Variants in H2AC11 observed in about 807,000 individuals in gnomAD.
H2AC11 encodes histone H2A type 1.
Under a neutral mutation model 5.9 loss-of-function variants are expected in H2AC11, and 8 were observed. The ratio of observed to expected loss-of-function variants is 1.35; its 90% CI spans 0.79 to 2.44. H2AC11 has a LOEUF of 2.44. Among genes scored for constraint, H2AC11 ranks in the 30% most tolerant of loss-of-function variants. The pLI is 0.00. For missense variants in H2AC11, 189 were observed against 178.6 expected (o/e 1.06, Z -0.33); for synonymous variants, 161 against 81.9 (o/e 1.96, Z -5.21).
chr6:27,133,240 G>C lies in H2AC11; in HGVS notation c.169G>C (p.Glu57Gln), dbSNP rs762011919. Reference protein sequence around the residue: ...GAPVYLAAVLEYLTAEILELA... With the variant: ...GAPVYLAAVLQYLTAEILELA... ...GCCGGTGTATCTGGCAGCGGTGCTGGAGTACCTGACCGCCGAGATCCTGGA... is the reference window on the plus strand; with the variant it reads ...GCCGGTGTATCTGGCAGCGGTGCTGCAGTACCTGACCGCCGAGATCCTGGA... The change falls in exon 1 of 1, where the codon GAG becomes CAG. Residue 57 changes from glutamate to glutamine, a missense_variant. Physicochemically the swap from Glu to Gln is conservative, Grantham distance 29. Transcript: ENST00000359193. 1 of 1,614,088 alleles carries C rather than the reference G, an allele frequency of 6.2e-7. No individual in the cohort carries two copies. Among genetic ancestry groups the C allele is most frequent in the African/African-American group, 1.3e-5 (1 of 74,936 alleles).
chr6:27,133,213 G>T lies in H2AC11; in HGVS notation c.142G>T (p.Ala48Ser). The T allele has an allele frequency of 1.9e-6, 3 of 1,614,042 alleles. No homozygotes were observed. The highest frequency in any genetic ancestry group is 1.3e-5 in the African/African-American group (1 of 75,060). Residue 48 changes from alanine (A) to serine (S), a missense_variant, in exon 1 of 1, where the codon GCG becomes TCG. Physicochemically the swap from Ala to Ser is moderately conservative, Grantham distance 99. Transcript: ENST00000359193. ...GNYAERVGAG[A>S]PVYLAAVLEY... is the part of the protein sequence containing the mutation. ...CTATGCCGAGCGGGTCGGGGCCGGCGCGCCGGTGTATCTGGCAGCGGTGCT... is the reference window on the plus strand; with the variant it reads ...CTATGCCGAGCGGGTCGGGGCCGGCTCGCCGGTGTATCTGGCAGCGGTGCT...
In H2AC11 at chr6:27,133,469, C is replaced by T; in HGVS notation, c.*5C>T. 2 of 1,613,264 alleles carry T rather than the reference C, an allele frequency of 1.2e-6. No homozygotes were observed. Among genetic ancestry groups the T allele is most frequent in the South Asian group, 1.1e-5 (1 of 91,064 alleles). On this transcript the variant is annotated 3_prime_UTR_variant, in exon 1 of 1. Coordinates refer to ENST00000359193, the MANE Select transcript of H2AC11 (RefSeq NM_021064.5). ...CACAAGGCGAAGGGCAAGTAACTATCTGTACTAGTTTGTGGCAGCTCAAGT... is the reference window on the plus strand; with the variant it reads ...CACAAGGCGAAGGGCAAGTAACTATTTGTACTAGTTTGTGGCAGCTCAAGT...
chr6:27,133,059 A>G lies in H2AC11; in HGVS notation c.-13A>G. The G allele has an allele frequency of 6.2e-7, 1 of 1,600,208 alleles. No homozygotes were observed. The highest frequency in any genetic ancestry group is 8.5e-7 in the Non-Finnish European group (1 of 1,172,544). On this transcript the variant is annotated 5_prime_UTR_variant, in exon 1 of 1. Transcript: ENST00000359193. ...GTTCACTTTGTGGTTGCTCGTAGTGAGTTGCGCTCGCTATGTCTGGACGTG... is the reference window on the plus strand; with the variant it reads ...GTTCACTTTGTGGTTGCTCGTAGTGGGTTGCGCTCGCTATGTCTGGACGTG...
chr6:27,133,163 T>A lies in H2AC11; in HGVS notation c.92T>A (p.Val31Glu), dbSNP rs777797526. Residue 31 changes from valine (V) to glutamate (E), a missense_variant, in exon 1 of 1, where the codon GTG (valine) becomes GAG (glutamate). Transcript: ENST00000359193. ...RAGLQFPVGRVHRLLRKGNYA... is the reference protein window; with the variant it reads ...RAGLQFPVGREHRLLRKGNYA... ...GGTCTCCAGTTCCCCGTGGGCCGAG[T>A]GCACCGCCTGCTCCGCAAAGGCAAC... is the stretch of plus-strand genomic sequence containing the variant. 1 of 1,613,918 alleles carries A rather than the reference T, an allele frequency of 6.2e-7. No individual in the cohort carries two copies. The highest frequency in any genetic ancestry group is 1.1e-5 in the South Asian group (1 of 91,066).
rs1275748750 is a variant in H2AC11 at position 27,133,203 on chromosome 6, C to T, written c.132C>T (p.Val44=). Residue 44 remains valine, a synonymous_variant, in exon 1 of 1, where the codon GTC becomes GTT. Transcript: ENST00000359193. ...GCAAAGGCAACTATGCCGAGCGGGT[C>T]GGGGCCGGCGCGCCGGTGTATCTGG... ...LLRKGNYAER[V]GAGAPVYLAA... is the part of the protein sequence containing the mutation. The T allele has an allele frequency of 9.9e-6, 16 of 1,613,926 alleles. No homozygotes were observed. In the Admixed American group the frequency reaches 1.3e-4, roughly 13 times the overall value.
chr6:27,133,305 C>T lies in H2AC11; in HGVS notation c.234C>T (p.Arg78=), dbSNP rs544998858. Residue 78 remains arginine, a synonymous_variant, in exon 1 of 1, where the codon CGC becomes CGT. Coordinates refer to ENST00000359193, the MANE Select transcript of H2AC11 (RefSeq NM_021064.5). ...GNAARDNKKT[R]IIPRHLQLAI... is the part of the protein sequence containing the mutation. ...CGGCCCGCGACAACAAGAAGACCCG[C>T]ATCATCCCGCGTCATCTCCAACTGG... 5.0e-6 allele frequency: 8 copies of T among 1,614,154 alleles called. No individual in the cohort carries two copies. In the Admixed American group the frequency reaches 5.0e-5, roughly 10 times the overall value.
Position 27,133,374 on chromosome 6 carries a change from C to T in H2AC11, c.303C>T (p.Val101=), listed in dbSNP as rs758805616. The part of the protein sequence containing the change: ...DEELNKLLGK[V]TIAQGGVLPN... Reference sequence around the variant, plus strand: ...AGCTCAACAAGCTGCTGGGCAAAGTCACCATCGCACAGGGCGGTGTCCTGC... The same window carrying T: ...AGCTCAACAAGCTGCTGGGCAAAGTTACCATCGCACAGGGCGGTGTCCTGC... The change falls in exon 1 of 1, where the codon GTC becomes GTT. Residue 101 remains valine (V), a synonymous_variant. Coordinates refer to ENST00000359193, the MANE Select transcript of H2AC11 (RefSeq NM_021064.5). 1.2e-6 allele frequency: 2 copies of T among 1,614,248 alleles called. No individual in the cohort carries two copies. The highest frequency in any genetic ancestry group is 1.1e-5 in the South Asian group (1 of 91,084).
chr6:27,133,485 C>T lies in H2AC11; in HGVS notation c.*21C>T, dbSNP rs763070608. The T allele has an allele frequency of 1.9e-6, 3 of 1,601,914 alleles. No homozygotes were observed. The highest frequency in any genetic ancestry group is 2.6e-6 in the Non-Finnish European group (3 of 1,171,538). ...AGTAACTATCTGTACTAGTTTGTGG[C>T]AGCTCAAGTAAAATCGAGTCCAAAC... On this transcript the variant is annotated 3_prime_UTR_variant, in exon 1 of 1. Coordinates refer to ENST00000359193, the MANE Select transcript of H2AC11 (RefSeq NM_021064.5).
rs528785498 is a variant in H2AC11 at position 27,133,089 on chromosome 6, G to A, written c.18G>A (p.Lys6=). The change falls in exon 1 of 1, where the codon AAG becomes AAA. Residue 6 remains lysine, a synonymous_variant. Coordinates refer to ENST00000359193, the MANE Select transcript of H2AC11 (RefSeq NM_021064.5). MSGRG[K]QGGKARAKAK... is the part of the protein sequence containing the mutation. Reference sequence around the variant, plus strand: ...CGCTCGCTATGTCTGGACGTGGCAAGCAGGGAGGCAAAGCCCGCGCTAAGG... The same window carrying A: ...CGCTCGCTATGTCTGGACGTGGCAAACAGGGAGGCAAAGCCCGCGCTAAGG... 4 of 1,612,470 alleles carry A rather than the reference G, an allele frequency of 2.5e-6. No homozygotes were observed. Among genetic ancestry groups the A allele is most frequent in the African/African-American group, 2.7e-5 (2 of 75,020 alleles).
Position 27,133,345 on chromosome 6 carries a change from G to T in H2AC11, c.274G>T (p.Glu92Ter). Residue 92 changes from glutamate to a stop codon, truncating the protein, a stop_gained, in exon 1 of 1, where the codon GAG becomes TAG. Transcript: ENST00000359193. LOFTEE classifies it high-confidence loss of function. ...TCTCCAACTGGCCATCCGCAACGAC[G>T]AGGAGCTCAACAAGCTGCTGGGCAA... ...RHLQLAIRND[E>*]ELNKLLGKVT... 1 of 1,614,178 alleles carries T rather than the reference G, an allele frequency of 6.2e-7. No homozygotes were observed. Among genetic ancestry groups the T allele is most frequent in the Non-Finnish European group, 8.5e-7 (1 of 1,180,038 alleles).
Position 27,133,210 on chromosome 6 carries a change from G to A in H2AC11, c.139G>A (p.Gly47Ser), listed in dbSNP as rs1186253364. 1.2e-6 allele frequency: 2 copies of A among 1,614,020 alleles called. No individual in the cohort carries two copies. Among genetic ancestry groups the A allele is most frequent in the Non-Finnish European group, 1.7e-6 (2 of 1,180,000 alleles). Residue 47 changes from glycine to serine, a missense_variant, in exon 1 of 1, where the codon GGC (glycine) becomes AGC (serine). Physicochemically the swap from Gly to Ser is moderately conservative, Grantham distance 56. Coordinates refer to ENST00000359193, the MANE Select transcript of H2AC11 (RefSeq NM_021064.5). ...CAACTATGCCGAGCGGGTCGGGGCC[G>A]GCGCGCCGGTGTATCTGGCAGCGGT... is the stretch of plus-strand genomic sequence containing the variant. Reference protein sequence around the residue: ...KGNYAERVGAGAPVYLAAVLE... With the variant: ...KGNYAERVGASAPVYLAAVLE...
At position 27,133,523 on chromosome 6, in the gene H2AC11, T is replaced by G; in HGVS notation, c.*59T>G. The G allele has an allele frequency of 6.4e-7, 1 of 1,569,372 alleles. No individual in the cohort carries two copies. The highest frequency in any genetic ancestry group is 2.3e-5 in the East Asian group (1 of 44,422). Reference sequence around the variant, plus strand: ...ATCGAGTCCAAACCAACGGCTCTTTTCAGGGCCACCCACGTCTTCTCTAAA... The same window carrying G: ...ATCGAGTCCAAACCAACGGCTCTTTGCAGGGCCACCCACGTCTTCTCTAAA... On this transcript the variant is annotated 3_prime_UTR_variant, in exon 1 of 1. Coordinates refer to ENST00000359193, the MANE Select transcript of H2AC11 (RefSeq NM_021064.5).
Position 27,133,050 on chromosome 6 carries a change from C to T in H2AC11, c.-22C>T, listed in dbSNP as rs186111820. ...GCCTTTCCCGTTCACTTTGTGGTTG[C>T]TCGTAGTGAGTTGCGCTCGCTATGT... On this transcript the variant is annotated 5_prime_UTR_variant, in exon 1 of 1. Transcript: ENST00000359193. The T allele has an allele frequency of 1.2e-4, 187 of 1,592,670 alleles. No homozygotes were observed. The highest frequency in any genetic ancestry group is 7.6e-4 in the East Asian group (34 of 44,636).
rs755836064 is a variant in H2AC11, at chr6:27,133,383, A to T, written c.312A>T (p.Ala104=). 1.9e-6 allele frequency: 3 copies of T among 1,614,102 alleles called. No individual in the cohort carries two copies. The highest frequency in any genetic ancestry group is 2.5e-6 in the Non-Finnish European group (3 of 1,180,042). ...LNKLLGKVTI[A]QGGVLPNIQA... is the part of the protein sequence containing the mutation. ...AGCTGCTGGGCAAAGTCACCATCGC[A>T]CAGGGCGGTGTCCTGCCCAACATTC... Residue 104 remains alanine (A), a synonymous_variant, in exon 1 of 1, where the codon GCA becomes GCT. Transcript: ENST00000359193.
Position 27,133,306 on chromosome 6 carries a change from A to C in H2AC11, c.235A>C (p.Ile79Leu). Residue 79 changes from isoleucine to leucine, a missense_variant, in exon 1 of 1, where the codon ATC becomes CTC. Physicochemically the swap from Ile to Leu is conservative, Grantham distance 5 (BLOSUM62 2). Coordinates refer to ENST00000359193, the MANE Select transcript of H2AC11 (RefSeq NM_021064.5). ...GGCCCGCGACAACAAGAAGACCCGC[A>C]TCATCCCGCGTCATCTCCAACTGGC... ...NAARDNKKTRIIPRHLQLAIR... is the reference protein window; with the variant it reads ...NAARDNKKTRLIPRHLQLAIR... The C allele has an allele frequency of 6.2e-7, 1 of 1,614,122 alleles. No homozygotes were observed. The highest frequency in any genetic ancestry group is 8.5e-7 in the Non-Finnish European group (1 of 1,180,032).
rs755495139 is a variant in H2AC11, at chr6:27,133,251, C to G, written c.180C>G (p.Thr60=). The change falls in exon 1 of 1, where the codon ACC becomes ACG. Residue 60 remains threonine, a synonymous_variant. Coordinates refer to ENST00000359193, the MANE Select transcript of H2AC11 (RefSeq NM_021064.5). ...VYLAAVLEYL[T]AEILELAGNA... ...TGGCAGCGGTGCTGGAGTACCTGAC[C>G]GCCGAGATCCTGGAACTGGCGGGCA... 20 of 1,614,060 alleles carry G rather than the reference C, an allele frequency of 1.2e-5. No individual in the cohort carries two copies. Among genetic ancestry groups the G allele is most frequent in the Admixed American group, 1.7e-5 (1 of 60,006 alleles).
chr6:27,133,475 T>C lies in H2AC11; in HGVS notation c.*11T>C, dbSNP rs1351656528. 4 of 1,607,920 alleles carry C rather than the reference T, an allele frequency of 2.5e-6. No homozygotes were observed. The highest frequency in any genetic ancestry group is 1.3e-5 in the African/African-American group (1 of 74,736). ...GCGAAGGGCAAGTAACTATCTGTAC[T>C]AGTTTGTGGCAGCTCAAGTAAAATC... On this transcript the variant is annotated 3_prime_UTR_variant, in exon 1 of 1. Transcript: ENST00000359193.
Position 27,133,125 on chromosome 6 carries a change from C to T in H2AC11, c.54C>T (p.Arg18=), listed in dbSNP as rs147278636. 110 of 1,613,904 alleles carry T rather than the reference C, an allele frequency of 6.8e-5. 1 individual carries two copies. The East Asian group carries it at 1.6e-3, about 23-fold the overall frequency. The change falls in exon 1 of 1, where the codon CGC becomes CGT. Residue 18 remains arginine (R), a synonymous_variant. Coordinates refer to ENST00000359193, the MANE Select transcript of H2AC11 (RefSeq NM_021064.5). ...GGKARAKAKT[R]SSRAGLQFPV... Reference sequence around the variant, plus strand: ...AAGCCCGCGCTAAGGCCAAGACTCGCTCTTCTAGGGCCGGTCTCCAGTTCC... The same window carrying T: ...AAGCCCGCGCTAAGGCCAAGACTCGTTCTTCTAGGGCCGGTCTCCAGTTCC...
In H2AC11 at chr6:27,133,430, A is replaced by G; in HGVS notation, c.359A>G (p.Lys120Arg). 1 of 1,614,232 alleles carries G rather than the reference A, an allele frequency of 6.2e-7. No homozygotes were observed. Among genetic ancestry groups the G allele is most frequent in the Non-Finnish European group, 8.5e-7 (1 of 1,180,018 alleles). Residue 120 changes from lysine to arginine, a missense_variant, in exon 1 of 1, where the codon AAG becomes AGG. Transcript: ENST00000359193. ...ATTCAGGCCGTGCTACTGCCCAAAA[A>G]GACTGAGAGCCACCACAAGGCGAAG... ...PNIQAVLLPKKTESHHKAKGK is the reference protein window; with the variant it reads ...PNIQAVLLPKRTESHHKAKGK
Sources: gnomAD v4.1 joint callset for allele counts on GRCh38, gnomAD v4.1.1 for gene constraint, MANE v1.5 for transcripts, NCBI Gene and HGNC (gene_info 2026-07-23, HGNC 2026-07-21) for gene names.